The following RAD51B variants were observed in gnomAD, a reference collection of about 807,000 sequenced individuals.
The protein encoded by RAD51B is RAD51 paralog B, also known as DNA repair protein RAD51 homolog 2.
RAD51B carries 38 observed loss-of-function variants against 42.2 expected under a neutral mutation model. The observed-to-expected ratio is 0.90, with a 90% confidence interval of 0.70 to 1.18. RAD51B has a LOEUF of 1.18. Ranked by LOEUF, RAD51B falls within the 50% of genes most tolerant of loss-of-function variation. RAD51B has a pLI of 0.00. For missense variants in RAD51B, 373 were observed against 400.7 expected, an observed-to-expected ratio of 0.93 and a Z score of 0.59; for synonymous variants, 154 against 145.2, an observed-to-expected ratio of 1.06 and a Z score of -0.43.
At chr14:68,643,055 G>A (rs1032281146) in intron 10 of RAD51B, among the ~76,000 whole-genome samples, 2 of 92,608 alleles carry the variant, frequency 2.2e-5, no homozygotes, top group Non-Finnish European at 5.1e-5. Context: ...TGAGAAGAAT[G>A]TGTATTCTGT....
At chr14:67,823,994 T>C (rs1811447744) in intron 2 of RAD51B, among the ~76,000 whole-genome samples, 1 of 152,212 alleles carries the variant, frequency 6.6e-6, no homozygotes, top group African/African-American at 2.4e-5. Context: ...TGATGGAGCA[T>C]GAGAAATATA....
intron 8 of RAD51B, among the ~76,000 whole-genome samples, chr14:68,406,110 A>T (rs931439922): frequency 6.6e-6 from 1 of 152,230 alleles, no homozygotes; most frequent in South Asian, 2.1e-4. Context: ...TTTAGTCAGT[A>T]TTATAAGCAT....
intron 10 of RAD51B, among the ~76,000 whole-genome samples, chr14:68,510,195 T>A (rs1479399077): frequency 2.6e-5 from 4 of 152,208 alleles, no homozygotes; most frequent in Non-Finnish European, 4.4e-5. Flanking sequence ...ATCCTGAGTT[T>A]GTGGGACACA....
intron 7 of RAD51B, among the ~76,000 whole-genome samples, chr14:67,980,129 T>G (rs2075064043): frequency 6.6e-6 from 1 of 151,676 alleles, no homozygotes; most frequent in Non-Finnish European, 1.5e-5. Context: ...TAGCATCTTA[T>G]GCCAAAAAAA....
intron 8 of RAD51B, among the ~76,000 whole-genome samples, chr14:68,366,052 T>C (rs1428402958): frequency 6.6e-6 from 1 of 152,254 alleles, no homozygotes; most frequent in Non-Finnish European, 1.5e-5. Flanking sequence ...ATACTTTTTT[T>C]GATAACTAGT....
intron 7 of RAD51B, among the ~76,000 whole-genome samples, chr14:68,274,160 T>G (rs367608413): frequency 1.3e-5 from 2 of 152,176 alleles, no homozygotes; most frequent in Non-Finnish European, 2.9e-5. Context: ...TATCTCATGT[T>G]TTCTATGGAC....
At chr14:68,525,136 C>T (rs540430846) in intron 10 of RAD51B, among the ~76,000 whole-genome samples, 1 of 152,288 alleles carries the variant, frequency 6.6e-6, no homozygotes, top group African/African-American at 2.4e-5. Flanking sequence ...AACTCAATGT[C>T]AGTAAAGCGA....
At chr14:68,386,205 C>T (rs76017556) in intron 8 of RAD51B, among the ~76,000 whole-genome samples, 3,611 of 152,190 alleles carry the variant, frequency 0.024, 69 homozygotes, top group East Asian at 0.04. Flanking sequence ...CCCAGGAGTC[C>T]AGCTTTTGTG....
chr14:67,905,460 T>C (rs1438145091), intron 7 of RAD51B, among the ~76,000 whole-genome samples: 1 of 152,164 alleles, frequency 6.6e-6, no homozygotes, highest in Non-Finnish European at 1.5e-5. Context: ...AAAATGTTGG[T>C]AGTTTGATAG....
At chr14:67,866,541 T>C (rs1407666923) in intron 5 of RAD51B, among the ~76,000 whole-genome samples, 5 of 152,270 alleles carry the variant, frequency 3.3e-5, no homozygotes, top group African/African-American at 7.2e-5. Flanking sequence ...TTCAGTTCAC[T>C]GTAATGGATT....
chr14:67,921,262 C>T (rs72725138), intron 7 of RAD51B, among the ~76,000 whole-genome samples: 17,431 of 151,984 alleles, frequency 0.11, 1,340 homozygotes, highest in Middle Eastern at 0.28. Flanking sequence ...GGCTGGAGTT[C>T]AGTGGTACAG....
In RAD51B at chr14:67,885,944, A is replaced by G. The variant is rs1258575016; in HGVS notation, c.528A>G (p.Lys176=). Residue 176 remains lysine (K), a synonymous_variant, in exon 6 of 11, where the codon AAA becomes AAG. Transcript: ENST00000471583. The part of the protein sequence containing the change: ...TEEKLLLTSS[K]VHLYRELTCD... ...AAAAGTTACTTTTGACAAGTAGTAA[A>G]GTTCATCTTTATCGGGAACTCACCT... 6.2e-7 allele frequency: 1 copy of G among 1,608,082 alleles called. No individual in the cohort carries two copies. The highest frequency in any genetic ancestry group is 1.3e-5 in the African/African-American group (1 of 74,794).
At chr14:68,274,980 C>T (rs1160471898) in intron 7 of RAD51B, among the ~76,000 whole-genome samples, 7 of 152,202 alleles carry the variant, frequency 4.6e-5, no homozygotes, top group African/African-American at 1.2e-4. Context: ...GACTATATCA[C>T]CTTTAATGGT....
intron 7 of RAD51B, among the ~76,000 whole-genome samples, chr14:67,946,557 A>G (rs765620448): frequency 2.0e-5 from 3 of 152,194 alleles, no homozygotes; most frequent in Admixed American, 6.5e-5. Flanking sequence ...TAGTAGAGAC[A>G]TGGTTTCACC....
At chr14:68,091,356 A>G (rs1322589969) in intron 7 of RAD51B, among the ~76,000 whole-genome samples, 1 of 152,158 alleles carries the variant, frequency 6.6e-6, no homozygotes, top group African/African-American at 2.4e-5. Context: ...TATCCTCTCC[A>G]GCACCTGTTG....
chr14:68,334,832 A>G (rs1026038630), intron 8 of RAD51B, among the ~76,000 whole-genome samples: 8 of 149,942 alleles, frequency 5.3e-5, no homozygotes, highest in African/African-American at 2.0e-4. Context: ...TATATATTTT[A>G]TGATATATAG....
At chr14:68,045,200 C>G (rs963920731) in intron 7 of RAD51B, among the ~76,000 whole-genome samples, 7 of 128,668 alleles carry the variant, frequency 5.4e-5, no homozygotes, top group African/African-American at 1.8e-4. Flanking sequence ...CGCGCCATTG[C>G]ACTCCAGCCT....
intron 9 of RAD51B, among the ~76,000 whole-genome samples, chr14:68,455,297 G>A (rs753457776): frequency 2.6e-5 from 4 of 152,092 alleles, no homozygotes; most frequent in Non-Finnish European, 5.9e-5. Flanking sequence ...AAAACTGAAG[G>A]AGAAATTAAG....
chr14:67,980,076 T>C (rs1237208015), intron 7 of RAD51B, among the ~76,000 whole-genome samples: 3 of 152,182 alleles, frequency 2.0e-5, no homozygotes, highest in African/African-American at 4.8e-5. Flanking sequence ...CTAGGGTTCA[T>C]GCAGTTATAA....
Sources: gnomAD v4.1 joint callset for allele counts (sites outside exome capture counted in the v4.1 genomes callset) on GRCh38, gnomAD v4.1.1 for gene constraint, MANE v1.5 for transcripts, NCBI Gene and HGNC (gene_info 2026-07-23, HGNC 2026-07-21) for gene names.